Variants in SMYD3 observed in about 807,000 individuals in gnomAD.
SMYD3 encodes histone-lysine N-methyltransferase SMYD3.
SMYD3 carries 36 observed loss-of-function variants against 57.7 expected under a neutral mutation model. That is an observed-to-expected ratio of 0.62 (90% CI 0.48 to 0.82). The LOEUF (loss-of-function observed/expected upper bound fraction) is 0.82. Ranked by LOEUF, SMYD3 falls within the 40% of genes least tolerant of loss-of-function variation. SMYD3 has a pLI of 0.00. For missense variants in SMYD3, 515 were observed against 538.8 expected, an observed-to-expected ratio of 0.96 and a Z score of 0.44; for synonymous variants, 211 against 195.0, an observed-to-expected ratio of 1.08 and a Z score of -0.68.
chr1:245,886,862 T>G (rs1274601767), intron 8 of SMYD3, among the ~76,000 whole-genome samples: 1 of 152,122 alleles, frequency 6.6e-6, no homozygotes, highest in Non-Finnish European at 1.5e-5. Context: ...ATGATGAAAA[T>G]GCAAACCCTC....
At chr1:245,774,177 T>C (rs2046446237) in intron 10 of SMYD3, among the ~76,000 whole-genome samples, 1 of 152,230 alleles carries the variant, frequency 6.6e-6, no homozygotes, top group South Asian at 2.1e-4. Context: ...ATAGCTGAAC[T>C]GCTGGTCTGC....
intron 1 of SMYD3, among the ~76,000 whole-genome samples, chr1:246,457,202 T>C (rs2067710818): frequency 6.6e-6 from 1 of 152,020 alleles, no homozygotes; most frequent in African/African-American, 2.4e-5. Flanking sequence ...GAGAGGTGAA[T>C]GTTCAAGGGT....
At chr1:246,062,643 A>T (rs571937134) in intron 5 of SMYD3, among the ~76,000 whole-genome samples, 2 of 152,302 alleles carry the variant, frequency 1.3e-5, no homozygotes, top group South Asian at 4.1e-4. Flanking sequence ...TTTGAAATGA[A>T]TGCTATTTTA....
At chr1:246,246,522 T>C (rs1572272625) in intron 5 of SMYD3, among the ~76,000 whole-genome samples, 1 of 152,192 alleles carries the variant, frequency 6.6e-6, no homozygotes, top group African/African-American at 2.4e-5. Flanking sequence ...AGTAAAACTT[T>C]TGAAGAGTGA....
intron 8 of SMYD3, among the ~76,000 whole-genome samples, chr1:245,888,094 C>T (rs2053184851): frequency 6.6e-6 from 1 of 152,158 alleles, no homozygotes; most frequent in South Asian, 2.1e-4. Flanking sequence ...GTCAGGGCTC[C>T]CTGGACTCTC....
chr1:246,286,882 T>G (rs1049884179), intron 5 of SMYD3, among the ~76,000 whole-genome samples: 21 of 150,952 alleles, frequency 1.4e-4, no homozygotes, highest in African/African-American at 5.1e-4. Flanking sequence ...TTTTTTTTGT[T>G]TTTTTTTTTG....
chr1:246,037,762 C>T (rs528206882), intron 5 of SMYD3, among the ~76,000 whole-genome samples: 8 of 152,224 alleles, frequency 5.3e-5, no homozygotes, highest in Non-Finnish European at 1.0e-4. Context: ...GTGGAGAAAC[C>T]TGTTTGCTAT....
At chr1:246,099,624 T>A (rs530966007) in intron 5 of SMYD3, among the ~76,000 whole-genome samples, 1 of 152,126 alleles carries the variant, frequency 6.6e-6, no homozygotes, top group Non-Finnish European at 1.5e-5. Context: ...TGCAGCAACA[T>A]TCAGGAAGCT....
intron 5 of SMYD3, among the ~76,000 whole-genome samples, chr1:246,109,249 G>A (rs959111413): frequency 2.0e-5 from 3 of 152,136 alleles, no homozygotes; most frequent in African/African-American, 7.2e-5. Context: ...TGTTACAAAC[G>A]TAAAATTATG....
chr1:245,822,427 T>C (rs907243367), intron 10 of SMYD3, among the ~76,000 whole-genome samples: 1 of 149,766 alleles, frequency 6.7e-6, no homozygotes, highest in Non-Finnish European at 1.5e-5. Context: ...GGGATAGCAC[T>C]GGGAGATATA....
At chr1:245,851,426 G>T (rs1038045144) in intron 10 of SMYD3, among the ~76,000 whole-genome samples, 1 of 152,230 alleles carries the variant, frequency 6.6e-6, no homozygotes, top group Non-Finnish European at 1.5e-5. Flanking sequence ...AGGCCATGCA[G>T]TAAGCTGAGA....
chr1:246,364,222 C>CAA (rs11361203), intron 1 of SMYD3, among the ~76,000 whole-genome samples: 40 of 119,598 alleles, frequency 3.3e-4, no homozygotes, highest in African/African-American at 5.5e-4. Context: ...GGTTGTAAGC[C>CAA]AAAAAAAAAA....
At chr1:246,260,460 T>C (rs12073114) in intron 5 of SMYD3, among the ~76,000 whole-genome samples, 6,526 of 152,228 alleles carry the variant, frequency 0.043, 479 homozygotes, top group African/African-American at 0.15. Flanking sequence ...TGTTTGTTTG[T>C]TTCTTTTTTG....
chr1:245,829,089 T>TCC (rs1558396252), intron 10 of SMYD3, among the ~76,000 whole-genome samples: 3 of 141,206 alleles, frequency 2.1e-5, no homozygotes, highest in African/African-American at 7.9e-5. Flanking sequence ...TTTTTTTTTC[T>TCC]GTACTGCCCT....
chr1:246,225,008 G>T (rs773568874), intron 5 of SMYD3, among the ~76,000 whole-genome samples: 1 of 151,874 alleles, frequency 6.6e-6, no homozygotes, highest in East Asian at 1.9e-4. Context: ...CTGGACATAC[G>T]AACGGGAGCT....
At chr1:246,126,445 G>C (rs951362620) in intron 5 of SMYD3, among the ~76,000 whole-genome samples, 7 of 152,200 alleles carry the variant, frequency 4.6e-5, no homozygotes, top group African/African-American at 1.7e-4. Context: ...TTCTTGCACT[G>C]TTTAGTAGTC....
At chr1:245,851,529 G>A (rs1032374974) in intron 10 of SMYD3, among the ~76,000 whole-genome samples, 8 of 152,070 alleles carry the variant, frequency 5.3e-5, no homozygotes, top group African/African-American at 1.7e-4. Flanking sequence ...GGCCATATTC[G>A]ACTTCTTGCA....
chr1:246,495,206 A>G (rs924963335), intron 1 of SMYD3, among the ~76,000 whole-genome samples: 79 of 151,984 alleles, frequency 5.2e-4, no homozygotes, highest in East Asian at 1.2e-3. Context: ...AAAATTAGCC[A>G]GGCGTGGTGG....
At chr1:246,093,200 CATT>C (rs1408416190) in intron 5 of SMYD3, among the ~76,000 whole-genome samples, 4 of 152,138 alleles carry the variant, frequency 2.6e-5, no homozygotes, top group African/African-American at 4.8e-5. Flanking sequence ...CAAAAGAAAA[CATT>C]ATGAATGTTC....
Sources: allele counts gnomAD v4.1 joint callset (sites outside exome capture counted in the v4.1 genomes callset), GRCh38; gene constraint gnomAD v4.1.1; transcripts MANE v1.5; gene names NCBI Gene and HGNC (gene_info 2026-07-23, HGNC 2026-07-21).